Variants in SDK1 observed in about 807,000 individuals in gnomAD.
SDK1 encodes sidekick cell adhesion molecule 1, also known as protein sidekick-1.
Under a neutral mutation model 245.5 loss-of-function variants are expected in SDK1, and 157 were observed. The ratio of observed to expected loss-of-function variants is 0.64; its 90% confidence interval spans 0.56 to 0.73. The LOEUF (loss-of-function observed/expected upper bound fraction) is 0.73, where lower values mean the gene tolerates loss of function less well. SDK1 is among the 30% of genes least tolerant of loss of function. The probability of loss-of-function intolerance (pLI) is 0.00; values close to 1 mark genes in which losing one functional copy is unlikely to be tolerated. For missense variants in SDK1, 3,583 were observed against 3,002.3 expected, an observed-to-expected ratio of 1.19 and a Z score of -4.52; for synonymous variants, 1,647 against 1,278.5, an observed-to-expected ratio of 1.29 and a Z score of -6.15.
At chr7:3,425,335 A>G (rs1220300883) in intron 1 of SDK1, among the ~76,000 whole-genome samples, 1 of 152,214 alleles carries the variant, frequency 6.6e-6, no homozygotes, top group African/African-American at 2.4e-5. Flanking sequence ...TAAATCAAGA[A>G]TTGAATGAAT....
chr7:3,638,813 T>G (rs1173381462), intron 2 of SDK1, among the ~76,000 whole-genome samples, 191 bp from the exon 3 acceptor site: 7 of 149,726 alleles, frequency 4.7e-5, no homozygotes, highest in Admixed American at 2.7e-4. Flanking sequence ...AAAAAAGAAA[T>G]AAATGGTGGT....
chr7:3,826,982 C>T lies in SDK1; in HGVS notation c.847+5399C>T, dbSNP rs1268273831. 3.9e-5 allele frequency among the ~76,000 whole-genome samples: 6 copies of T among 152,266 alleles called. No homozygotes were observed. The East Asian group carries it at 5.8e-4, about 15-fold the overall frequency. On this transcript the variant is annotated intron_variant, in intron 5 of 44. Transcript: ENST00000404826. ...CTCTCCTCACCCCACAAGGCAAAAC[C>T]GGATGGTTTCTATTGCCCACTCATG...
chr7:3,617,093 G>C (rs1781795410), intron 1 of SDK1, among the ~76,000 whole-genome samples: 1 of 151,950 alleles, frequency 6.6e-6, no homozygotes, highest in South Asian at 2.1e-4. Context: ...TCTTAAAATG[G>C]GTATAATGAT....
intron 1 of SDK1, among the ~76,000 whole-genome samples, chr7:3,577,398 A>G (rs1159910912): frequency 1.3e-5 from 2 of 152,042 alleles, no homozygotes; most frequent in Non-Finnish European, 1.5e-5. Context: ...AGAGTGGCCC[A>G]TGATGTCTGA....
chr7:3,708,740 T>A (rs1468005203), intron 4 of SDK1, among the ~76,000 whole-genome samples: 1 of 152,214 alleles, frequency 6.6e-6, no homozygotes, highest in Non-Finnish European at 1.5e-5. Context: ...CATTGGAAAT[T>A]ACAGTTTGAA....
intron 1 of SDK1, among the ~76,000 whole-genome samples, chr7:3,461,917 T>C (rs1187117953): frequency 6.6e-6 from 1 of 152,198 alleles, no homozygotes; most frequent in East Asian, 1.9e-4. Context: ...ACCCAACTTG[T>C]TGCTCTTAAC....
rs1038862163 is a variant in SDK1 at position 4,120,464 on chromosome 7, C to T, written c.3823+6190C>T. 4.2e-4 allele frequency among the ~76,000 whole-genome samples: 63 copies of T among 148,636 alleles called. 5 individuals are homozygous for T. The highest frequency in any genetic ancestry group is 4.1e-3 in the Admixed American group (61 of 14,956). Reference sequence around the variant, plus strand: ...CCAGAAGACAATGGGATAATAATCTCGAAGGAGCTAAAAGCAAATAACTGC... The same window carrying T: ...CCAGAAGACAATGGGATAATAATCTTGAAGGAGCTAAAAGCAAATAACTGC... On this transcript the variant is annotated intron_variant, in intron 25 of 44. Coordinates refer to ENST00000404826, the MANE Select transcript of SDK1 (RefSeq NM_152744.4).
chr7:4,070,576 A>G (rs1780185817), intron 20 of SDK1, among the ~76,000 whole-genome samples: 1 of 152,168 alleles, frequency 6.6e-6, no homozygotes, highest in South Asian at 2.1e-4. Context: ...GCTACATAGC[A>G]AACCCAGTGC....
At chr7:3,760,353 G>C (rs947240230) in intron 4 of SDK1, among the ~76,000 whole-genome samples, 4 of 152,004 alleles carry the variant, frequency 2.6e-5, no homozygotes, top group African/African-American at 9.7e-5. Flanking sequence ...CATTCCCCTT[G>C]TTGACCTGTT....
intron 1 of SDK1, among the ~76,000 whole-genome samples, chr7:3,479,421 C>CAAAAAAA (rs56094646): frequency 4.5e-5 from 3 of 66,574 alleles, no homozygotes; most frequent in Non-Finnish European, 8.0e-5. Context: ...GACTGTGTCT[C>CAAAAAAA]AAAAAAAAAA....
At chr7:3,376,764 T>C (rs7794534) in intron 1 of SDK1, among the ~76,000 whole-genome samples, 74,280 of 152,032 alleles carry the variant, frequency 0.49, 19,435 homozygotes, top group East Asian at 0.62. Flanking sequence ...TATGCTAAGG[T>C]AATCGGACAC....
chr7:3,707,806 T>C (rs1784934509), intron 4 of SDK1, among the ~76,000 whole-genome samples: 1 of 152,168 alleles, frequency 6.6e-6, no homozygotes, highest in Admixed American at 6.5e-5. Flanking sequence ...ATAATGACCT[T>C]TTGTGTCTCT....
intron 22 of SDK1, among the ~76,000 whole-genome samples, chr7:4,087,029 C>CAAA (rs34730685): frequency 2.5e-5 from 3 of 119,484 alleles, no homozygotes; most frequent in African/African-American, 2.9e-5. Flanking sequence ...TTTTGCCATG[C>CAAA]AAAAAAAAAA....
intron 5 of SDK1, among the ~76,000 whole-genome samples, chr7:3,914,038 A>G (rs189123208): frequency 6.6e-6 from 1 of 152,180 alleles, no homozygotes; most frequent in Admixed American, 6.5e-5. Flanking sequence ...AGAAGCATCT[A>G]CTCCAGATGT....
chr7:3,464,536 A>T (rs1191515440), intron 1 of SDK1, among the ~76,000 whole-genome samples: 3 of 152,162 alleles, frequency 2.0e-5, no homozygotes, highest in Admixed American at 6.5e-5. Flanking sequence ...ATACAAAGGT[A>T]TTAAAGTTAA....
intron 17 of SDK1, among the ~76,000 whole-genome samples, chr7:4,032,580 T>C (rs935376954): frequency 6.6e-6 from 1 of 151,748 alleles, no homozygotes; most frequent in Admixed American, 6.6e-5. Flanking sequence ...GATAATAATA[T>C]ATGATATCTG....
intron 14 of SDK1, among the ~76,000 whole-genome samples, chr7:3,989,897 AG>A (rs1377031146): frequency 1.3e-5 from 2 of 152,230 alleles, no homozygotes; most frequent in Non-Finnish European, 2.9e-5. Context: ...ATGGATGTGC[AG>A]AGGCTGTAAG....
At chr7:3,709,608 G>A (rs1433613845) in intron 4 of SDK1, among the ~76,000 whole-genome samples, 1 of 152,152 alleles carries the variant, frequency 6.6e-6, no homozygotes, top group Non-Finnish European at 1.5e-5. Context: ...ATTGTTTCTT[G>A]GAAGAAAGTT....
chr7:3,461,539 G>A (rs1382231645), intron 1 of SDK1, among the ~76,000 whole-genome samples: 3 of 152,170 alleles, frequency 2.0e-5, no homozygotes, highest in Admixed American at 6.6e-5. Flanking sequence ...GTGGAGTGGC[G>A]TGAGGGCCGA....
Sources: allele counts gnomAD v4.1 joint callset (sites outside exome capture counted in the v4.1 genomes callset), GRCh38; gene constraint gnomAD v4.1.1; transcripts MANE v1.5; gene names NCBI Gene and HGNC (gene_info 2026-07-23, HGNC 2026-07-21).